The following ITGBL1 variants were observed in gnomAD, a reference collection of about 807,000 sequenced individuals.
ITGBL1 encodes the protein integrin subunit beta like 1, also known as integrin beta-like protein 1.
In ITGBL1, 51 loss-of-function variants were observed where a neutral mutation model predicts 68.5. That is an observed-to-expected ratio of 0.74 (90% confidence interval 0.59 to 0.94). The LOEUF (loss-of-function observed/expected upper bound fraction) is 0.94, where lower values mean the gene tolerates loss of function less well. Among genes scored for constraint, ITGBL1 ranks in the 40% least tolerant of loss-of-function variants. The pLI is 0.00. For synonymous variants in ITGBL1, 209 were observed against 227.3 expected (o/e 0.92, Z 0.72); for missense variants, 649 against 647.4 (o/e 1.00, Z -0.03).
rs1205438176 is a variant in ITGBL1, at chr13:101,605,680, A to T, written c.1015+7381A>T. The stretch of plus-strand genomic sequence containing the variant: ...CACGTATGTAGACATGTATGTGTTT[A>T]TGCGTATACACGTATGTAGACTTAT... On this transcript the variant is annotated intron_variant, in intron 7 of 10. Coordinates refer to ENST00000376180, the MANE Select transcript of ITGBL1 (RefSeq NM_004791.3). Among the ~76,000 whole-genome samples the T allele has an allele frequency of 2.6e-5, 4 of 151,684 alleles. No homozygotes were observed. The South Asian group carries it at 8.3e-4, about 31-fold the overall frequency.
chr13:101,694,860 A>G lies in ITGBL1; in HGVS notation c.1132+2159A>G, dbSNP rs2033967202. On this transcript the variant is annotated intron_variant, in intron 8 of 10. Coordinates refer to ENST00000376180, the MANE Select transcript of ITGBL1 (RefSeq NM_004791.3). ...CATCCTTGGCTTTAGATTCTTTTCA[A>G]TTTCTAATAAAAGATTTTCATATGG... 2.0e-5 allele frequency among the ~76,000 whole-genome samples: 3 copies of G among 152,174 alleles called. No homozygotes were observed. The South Asian group carries it at 6.2e-4, about 31-fold the overall frequency.
chr13:101,706,889 G>A lies in ITGBL1; in HGVS notation c.1266G>A (p.Leu422=), dbSNP rs1205982547. Residue 422 remains leucine, a synonymous_variant, in exon 9 of 11, where the codon TTG becomes TTA. Transcript: ENST00000376180. ...KNLCESADGI[L]CSGKGSCHCG... ...TGTGTGAATCAGCAGATGGCATATT[G>A]TGCTCGGGGAAGGGTGAGTATCTCT... 12 of 1,613,928 alleles carry A rather than the reference G, an allele frequency of 7.4e-6. No individual in the cohort carries two copies. The highest frequency in any genetic ancestry group is 1.0e-5 in the Non-Finnish European group (12 of 1,179,952).
At chr13:101,495,482 G>A (rs1322516101) in intron 2 of ITGBL1, among the ~76,000 whole-genome samples, 1 of 152,100 alleles carries the variant, frequency 6.6e-6, no homozygotes, top group Non-Finnish European at 1.5e-5. Flanking sequence ...CTCAAGGTTT[G>A]GCTTTCTACT....
chr13:101,615,269 C>T (rs1377997708), intron 7 of ITGBL1, among the ~76,000 whole-genome samples: 1 of 152,038 alleles, frequency 6.6e-6, no homozygotes, highest in Admixed American at 6.6e-5. Context: ...CACCCTAAAT[C>T]CAGGATGATT....
At chr13:101,460,164 G>A (rs995702851) in intron 2 of ITGBL1, among the ~76,000 whole-genome samples, 2 of 151,680 alleles carry the variant, frequency 1.3e-5, no homozygotes, top group African/African-American at 2.4e-5. Context: ...CTTCACCTCC[G>A]TCTAGCCCAT....
intron 2 of ITGBL1, among the ~76,000 whole-genome samples, chr13:101,505,170 G>A (rs2049007844): frequency 2.0e-5 from 3 of 152,174 alleles, no homozygotes; most frequent in African/African-American, 7.2e-5. Flanking sequence ...ATTTGAATGA[G>A]ATTTCTCTGC....
rs568904782 is a variant in ITGBL1, at chr13:101,565,863, G to A, written c.317-1836G>A. On this transcript the variant is annotated intron_variant, in intron 2 of 10. Coordinates refer to ENST00000376180, the MANE Select transcript of ITGBL1 (RefSeq NM_004791.3). ...CTTAGAATATTGCTTCTATTGATGCGTCATTGGGTCAATTTGGAAGGGATG... is the reference window on the plus strand; with the variant it reads ...CTTAGAATATTGCTTCTATTGATGCATCATTGGGTCAATTTGGAAGGGATG... Among the ~76,000 whole-genome samples, 17 of 152,048 alleles carry A rather than the reference G, an allele frequency of 1.1e-4. 1 individual carries two copies. In the South Asian group the frequency reaches 2.7e-3, roughly 24 times the overall value.
chr13:101,712,801 T>C (rs1188469520), intron 9 of ITGBL1: 1 of 152,100 alleles, frequency 6.6e-6, no homozygotes, highest in East Asian at 1.9e-4. Context: ...TGAAAGAAAG[T>C]CTTCAAAATT....
At chr13:101,470,764 A>T (rs1226498864) in intron 2 of ITGBL1, among the ~76,000 whole-genome samples, 1 of 152,180 alleles carries the variant, frequency 6.6e-6, no homozygotes, top group East Asian at 1.9e-4. Context: ...ACAACATTCT[A>T]TGGGGTGCCC....
At chr13:101,519,351 G>A (rs543804876) in intron 2 of ITGBL1, among the ~76,000 whole-genome samples, 2 of 152,218 alleles carry the variant, frequency 1.3e-5, no homozygotes, top group East Asian at 3.9e-4. Flanking sequence ...TAAGCGTAGT[G>A]CAAATTAAAA....
At chr13:101,589,584 T>C (rs1594909346) in intron 6 of ITGBL1, among the ~76,000 whole-genome samples, 1 of 152,338 alleles carries the variant, frequency 6.6e-6, no homozygotes, top group East Asian at 1.9e-4. Flanking sequence ...TTGGCCATCT[T>C]GAACTAAACA....
Position 101,583,302 on chromosome 13 carries a change from G to A in ITGBL1, c.814G>A (p.Asp272Asn). 2.5e-6 allele frequency: 4 copies of A among 1,613,054 alleles called. No individual in the cohort carries two copies. The highest frequency in any genetic ancestry group is 3.4e-6 in the Non-Finnish European group (4 of 1,179,554). ...TATTCATGGGGACACCTGTGAATGT[G>A]ATGAGAGGGACTGTAGAGCTGTCTA... ...GDIHGDTCEC[D>N]ERDCRAVYDR... is the part of the protein sequence containing the mutation. The change falls in exon 6 of 11, where the codon GAT becomes AAT. Residue 272 changes from aspartate (D) to asparagine (N), a missense_variant. By Grantham distance (23) the Asp-to-Asn change is conservative. Transcript: ENST00000376180.
chr13:101,598,265 C>A lies in ITGBL1; in HGVS notation c.981C>A (p.Cys327Ter). 6.2e-7 allele frequency: 1 copy of A among 1,613,088 alleles called. No homozygotes were observed. ...TLSAEESIRK[C>*]QGSSDLPCSG... ...CAGCTGAGGAGAGCATCAGGAAGTG[C>A]CAGGGAAGCTCGGATCTGCCTTGCT... The change falls in exon 7 of 11, where the codon TGC becomes TGA. Residue 327 changes from cysteine to a stop codon, truncating the protein, a stop_gained. Transcript: ENST00000376180. LOFTEE classifies it high-confidence loss of function.
chr13:101,568,983 G>A (rs1187969587), intron 3 of ITGBL1, among the ~76,000 whole-genome samples: 1 of 147,204 alleles, frequency 6.8e-6, no homozygotes, highest in Non-Finnish European at 1.5e-5. Context: ...TTTCTTCTTA[G>A]TAGGATTTCT....
intron 7 of ITGBL1, among the ~76,000 whole-genome samples, chr13:101,606,524 C>T (rs921410908): frequency 6.6e-6 from 1 of 151,748 alleles, no homozygotes; most frequent in Non-Finnish European, 1.5e-5. Context: ...GTAGGCTAAA[C>T]GTTAGTTTTA....
At chr13:101,580,454 A>ATTATTC (rs2050437331) in intron 5 of ITGBL1, among the ~76,000 whole-genome samples, 1 of 151,724 alleles carries the variant, frequency 6.6e-6, no homozygotes, top group African/African-American at 2.4e-5. Flanking sequence ...ATTTATTATT[A>ATTATTC]TTATACTTTA....
intron 7 of ITGBL1, among the ~76,000 whole-genome samples, chr13:101,688,735 G>T (rs2033812641): frequency 6.6e-6 from 1 of 152,144 alleles, no homozygotes; most frequent in African/African-American, 2.4e-5. Flanking sequence ...TCTGACCATG[G>T]AAAACACAAA....
At chr13:101,547,134 A>G (rs1271375272) in intron 2 of ITGBL1, among the ~76,000 whole-genome samples, 2 of 131,988 alleles carry the variant, frequency 1.5e-5, no homozygotes, top group African/African-American at 2.9e-5. Flanking sequence ...GTTTGTGTCT[A>G]TATAACCTAT....
At chr13:101,636,268 A>C (rs2032167004) in intron 7 of ITGBL1, among the ~76,000 whole-genome samples, 1 of 152,124 alleles carries the variant, frequency 6.6e-6, no homozygotes, top group South Asian at 2.1e-4. Context: ...CAGGAAGAAA[A>C]ACTACTTTCT....
Sources: gnomAD v4.1 joint callset for allele counts (sites outside exome capture counted in the v4.1 genomes callset) on GRCh38, gnomAD v4.1.1 for gene constraint, MANE v1.5 for transcripts, NCBI Gene and HGNC (gene_info 2026-07-23, HGNC 2026-07-21) for gene names.